Variants in ADAMTS18 observed in about 807,000 individuals in gnomAD.
ADAMTS18 encodes the protein A disintegrin and metalloproteinase with thrombospondin motifs 18.
In ADAMTS18, 157 loss-of-function variants were observed where a neutral mutation model predicts 165.9. That is an observed-to-expected ratio of 0.95 (90% CI 0.83 to 1.08). The LOEUF is 1.08. Ranked by LOEUF, ADAMTS18 falls within the 50% of genes least tolerant of loss-of-function variation. ADAMTS18 has a pLI of 0.00. For synonymous variants in ADAMTS18, 782 were observed against 578.2 expected (o/e 1.35, Z -5.06); for missense variants, 2,040 against 1,534.0 (o/e 1.33, Z -5.51).
intron 11 of ADAMTS18, among the ~76,000 whole-genome samples, chr16:77,337,247 A>T (rs1005283622): frequency 1.3e-5 from 2 of 152,204 alleles, no homozygotes; most frequent in African/African-American, 4.8e-5. Context: ...ATAAGCATGC[A>T]TCTTTTCTAC....
intron 5 of ADAMTS18, 111 bp downstream of exon 5, chr16:77,364,077 T>C: frequency 2.1e-6 from 3 of 1,431,156 alleles, no homozygotes; most frequent in Non-Finnish European, 3.0e-6. Context: ...TGGCAGAAAC[T>C]GCAATTACAT....
chr16:77,292,331 T>G lies in ADAMTS18; in HGVS notation c.3189+745A>C, dbSNP rs145564210. 1.1e-3 allele frequency among the ~76,000 whole-genome samples: 162 copies of G among 152,268 alleles called. 1 individual carries two copies. The highest frequency in any genetic ancestry group is 3.7e-3 in the African/African-American group (155 of 41,544). ...TTTACTCCCCAGTATTTGTGAGAGA[T>G]ATTTCTAGTGTGTCACCCAAGGCCC... On this transcript the variant is annotated intron_variant, in intron 20 of 22. Transcript: ENST00000282849.
At chr16:77,412,822 T>C (rs1202960217) in intron 3 of ADAMTS18, among the ~76,000 whole-genome samples, 1 of 151,952 alleles carries the variant, frequency 6.6e-6, no homozygotes, top group Admixed American at 6.6e-5. Context: ...CCACAACACA[T>C]AGAAATTATG....
intron 13 of ADAMTS18, among the ~76,000 whole-genome samples, chr16:77,325,593 A>C (rs988890524): frequency 3.3e-5 from 5 of 151,336 alleles, no homozygotes; most frequent in African/African-American, 7.3e-5. Context: ...AAAATGTCAA[A>C]GGTAAGTTGA....
At chr16:77,357,760 T>C (rs2056652666) in intron 8 of ADAMTS18, among the ~76,000 whole-genome samples, 1 of 152,222 alleles carries the variant, frequency 6.6e-6, no homozygotes, top group Admixed American at 6.5e-5. Flanking sequence ...CCAAATGCCA[T>C]ATAAATATCT....
intron 13 of ADAMTS18, among the ~76,000 whole-genome samples, chr16:77,323,580 C>G (rs1277450161): frequency 1.4e-5 from 2 of 146,214 alleles, no homozygotes; most frequent in South Asian, 2.2e-4. Flanking sequence ...TTTAAAAGCA[C>G]AGATTCCTGG....
chr16:77,376,742 G>GA (rs1488939655), intron 3 of ADAMTS18, among the ~76,000 whole-genome samples: 8 of 148,398 alleles, frequency 5.4e-5, no homozygotes, highest in African/African-American at 7.4e-5. Flanking sequence ...TTTAAAATGA[G>GA]AAAAAAACAA....
chr16:77,313,522 G>C (rs1296590362), intron 16 of ADAMTS18, among the ~76,000 whole-genome samples: 1 of 151,874 alleles, frequency 6.6e-6, no homozygotes, highest in East Asian at 1.9e-4. Flanking sequence ...ACAGAATTGT[G>C]GAAGACTGCT....
chr16:77,343,109 G>C (rs1336747155), intron 10 of ADAMTS18, among the ~76,000 whole-genome samples: 1 of 137,044 alleles, frequency 7.3e-6, no homozygotes, highest in Non-Finnish European at 1.5e-5. Context: ...TTTCACTCTT[G>C]TCACCCAGCC....
intron 12 of ADAMTS18, among the ~76,000 whole-genome samples, chr16:77,327,406 C>T (rs187351936): frequency 1.3e-5 from 2 of 152,222 alleles, no homozygotes; most frequent in South Asian, 4.2e-4. Context: ...ACCTTAGCTC[C>T]CACATATGAA....
chr16:77,425,589 G>A (rs769717824), intron 3 of ADAMTS18, among the ~76,000 whole-genome samples: 1 of 152,192 alleles, frequency 6.6e-6, no homozygotes, highest in Non-Finnish European at 1.5e-5. Context: ...ATGAAGAATG[G>A]AGCTTGGTTT....
At chr16:77,374,893 C>T (rs1365811416) in intron 3 of ADAMTS18, among the ~76,000 whole-genome samples, 1 of 151,980 alleles carries the variant, frequency 6.6e-6, no homozygotes, top group East Asian at 1.9e-4. Flanking sequence ...TTTTACAGTG[C>T]TAGATATTAA....
intron 12 of ADAMTS18, among the ~76,000 whole-genome samples, chr16:77,332,502 G>A (rs1567489251): frequency 1.3e-5 from 2 of 152,202 alleles, no homozygotes; most frequent in East Asian, 3.9e-4. Flanking sequence ...AACCTTCCAA[G>A]GTTATCTTCT....
chr16:77,356,219 A>T, intron 8 of ADAMTS18, 142 bp from the exon 9 acceptor site: 1 of 1,066,956 alleles, frequency 9.4e-7, no homozygotes, highest in Non-Finnish European at 1.4e-6. Flanking sequence ...GAGAAAGGCA[A>T]ATTACTATAG....
intron 15 of ADAMTS18, among the ~76,000 whole-genome samples, chr16:77,320,321 T>C (rs773533858): frequency 1.3e-5 from 2 of 152,154 alleles, no homozygotes; most frequent in African/African-American, 2.4e-5. Context: ...AACTATGTTT[T>C]CTGTGGAGAA....
At chr16:77,344,383 A>G (rs946432379) in intron 10 of ADAMTS18, among the ~76,000 whole-genome samples, 1 of 152,052 alleles carries the variant, frequency 6.6e-6, no homozygotes, top group Non-Finnish European at 1.5e-5. Flanking sequence ...AGCAGAAAGC[A>G]TGAGGCAGCC....
At chr16:77,410,636 G>C (rs144158739) in intron 3 of ADAMTS18, among the ~76,000 whole-genome samples, 2 of 152,078 alleles carry the variant, frequency 1.3e-5, no homozygotes, top group Admixed American at 1.3e-4. Context: ...CAAGTCTCTC[G>C]ACCCCCCTAC....
At chr16:77,368,549 G>C (rs540864313) in intron 3 of ADAMTS18, among the ~76,000 whole-genome samples, 3 of 149,080 alleles carry the variant, frequency 2.0e-5, no homozygotes, top group Non-Finnish European at 4.4e-5. Context: ...CAATCCTCCT[G>C]CCTCAGCCTC....
intron 3 of ADAMTS18, among the ~76,000 whole-genome samples, chr16:77,398,558 T>C (rs1434224915): frequency 6.6e-6 from 1 of 152,124 alleles, no homozygotes; most frequent in Non-Finnish European, 1.5e-5. Context: ...GTAACGACCA[T>C]TTTAAGGCAT....
Sources: gnomAD v4.1 joint callset for allele counts (sites outside exome capture counted in the v4.1 genomes callset) on GRCh38, gnomAD v4.1.1 for gene constraint, MANE v1.5 for transcripts, NCBI Gene and HGNC (gene_info 2026-07-23, HGNC 2026-07-21) for gene names.